Variants in TTF2 observed in about 807,000 individuals in gnomAD.
TTF2 encodes transcription termination factor 2.
TTF2 carries 108 observed loss-of-function variants against 142.4 expected under a neutral mutation model. The observed-to-expected ratio is 0.76, with a 90% confidence interval of 0.65 to 0.89. The LOEUF (loss-of-function observed/expected upper bound fraction) is 0.89, where lower values mean the gene tolerates loss of function less well. Ranked by LOEUF, TTF2 falls within the 40% of genes least tolerant of loss-of-function variation. TTF2 has a pLI of 0.00. For missense variants in TTF2, 1,327 were observed against 1,379.8 expected, an observed-to-expected ratio of 0.96 and a Z score of 0.61; for synonymous variants, 483 against 506.2, an observed-to-expected ratio of 0.95 and a Z score of 0.61.
rs1648697417 is a variant in TTF2 at position 117,092,699 on chromosome 1, C to T, written c.2806-32C>T. On this transcript the variant is annotated intron_variant, in intron 17 of 22. Coordinates refer to ENST00000369466, the MANE Select transcript of TTF2 (RefSeq NM_003594.4). The surrounding 1 kb of genome is among the most constrained non-coding windows in gnomAD (Gnocchi z 4.4). The stretch of plus-strand genomic sequence containing the variant: ...GTAACAAGGTTTGCTCCCTTGACTC[C>T]CAGCTGCTCCTGTCCTTTTTTGTCT... 6 of 1,595,212 alleles carry T rather than the reference C, an allele frequency of 3.8e-6. No homozygotes were observed. Among genetic ancestry groups the T allele is most frequent in the Non-Finnish European group, 5.1e-6 (6 of 1,170,180 alleles).
rs778269918 is a variant in TTF2, at chr1:117,105,390, C to T, written c.*3866C>T. On this transcript the variant is annotated 3_prime_UTR_variant, in exon 23 of 23. Transcript: ENST00000369466. This position sits in a 1 kb window ranked among gnomAD's most constrained non-coding sequence, Gnocchi z 4.7. ...GAGTATTGTGCATGCCGCAGCTAGA[C>T]AGAGTCCTGGGCCCTTTAAAAACCT... 1.3e-5 allele frequency: 2 copies of T among 152,246 alleles called. No homozygotes were observed. Among genetic ancestry groups the T allele is most frequent in the Non-Finnish European group, 2.9e-5 (2 of 68,074 alleles). The allele number at this position is 152,246 out of a possible 1,614,324, so 9.4% of individuals were successfully genotyped here.
rs1649105046 is a variant in TTF2, at chr1:117,096,002, A to G, written c.3036-147A>G. 6.6e-6 allele frequency: 5 copies of G among 751,932 alleles called. No homozygotes were observed. The Admixed American group carries it at 1.4e-4, about 21-fold the overall frequency. The allele number at this position is 751,932 out of a possible 1,614,324, so 46.6% of individuals were successfully genotyped here. ...ATTATAATCTTCAGATATGACCTAA[A>G]TGTGTGCCTTCTCCCTTAGGTAGCA... On this transcript the variant is annotated intron_variant, in intron 19 of 22. Transcript: ENST00000369466.
Position 117,062,416 on chromosome 1 carries a change from A to G in TTF2, c.161A>G (p.Glu54Gly), listed in dbSNP as rs1570782190. 2.5e-6 allele frequency: 4 copies of G among 1,613,540 alleles called. No homozygotes were observed. The African/African-American group carries it at 4.0e-5, about 16-fold the overall frequency. The change falls in exon 3 of 23, where the codon GAG becomes GGG. Residue 54 changes from glutamate to glycine, a missense_variant. Transcript: ENST00000369466. ...CCTGTTTCCCATTGCTTATTGCATG[A>G]GGACTTTGTGGTAGAGCTTCAGGGT... is the stretch of plus-strand genomic sequence containing the variant. ...DIPVSHCLLHEDFVVELQGLL... is the reference protein window; with the variant it reads ...DIPVSHCLLHGDFVVELQGLL...
chr1:117,075,863 A>G lies in TTF2; in HGVS notation c.1275+4A>G, dbSNP rs746160789. ...AACACAACTGAAACAAAAGAAGGTAACTATTGACTCGTGTTTTGTTTCTGA... is the reference window on the plus strand; with the variant it reads ...AACACAACTGAAACAAAAGAAGGTAGCTATTGACTCGTGTTTTGTTTCTGA... On this transcript the variant is annotated splice_donor_region_variant and intron_variant, in intron 5 of 22. Coordinates refer to ENST00000369466, the MANE Select transcript of TTF2 (RefSeq NM_003594.4). This position sits in a 1 kb window ranked among gnomAD's most constrained non-coding sequence, Gnocchi z 4.5. The G allele has an allele frequency of 4.5e-5, 72 of 1,595,692 alleles. 1 individual carries two copies. In the South Asian group the frequency reaches 7.9e-4, roughly 18 times the overall value.
At position 117,084,170 on chromosome 1, in the gene TTF2, T is replaced by TA; in HGVS notation, c.2054+4dup. ...AAACCGGGATTCACGTGCCAGAGTG[T>TA]AAGTGCAGGAATACGCAGTTGTGGG... On this transcript the variant is annotated splice_region_variant and intron_variant, in intron 11 of 22. Transcript: ENST00000369466. 1 of 1,614,184 alleles carries TA rather than the reference T, an allele frequency of 6.2e-7. No individual in the cohort carries two copies. The highest frequency in any genetic ancestry group is 8.5e-7 in the Non-Finnish European group (1 of 1,180,022).
At chr1:117,069,115 T>C (rs974770668) in intron 3 of TTF2, among the ~76,000 whole-genome samples, 3 of 152,238 alleles carry the variant, frequency 2.0e-5, no homozygotes, top group Non-Finnish European at 2.9e-5. Flanking sequence ...TGTTTTTTAC[T>C]TTTACATTTT....
At chr1:117,082,184 G>A in intron 10 of TTF2, 1 of 519,370 alleles carries the variant, frequency 1.9e-6, no homozygotes, top group Admixed American at 3.1e-5. Context: ...GGAGAAAGCT[G>A]AGGCTCTAGA....
chr1:117,068,719 C>G (rs1656352701), intron 3 of TTF2, among the ~76,000 whole-genome samples: 1 of 152,100 alleles, frequency 6.6e-6, no homozygotes. Context: ...GTATAGTGAG[C>G]AGGATGGTGA....
At position 117,100,462 on chromosome 1, in the gene TTF2, A is replaced by G. The variant is rs1480045983; in HGVS notation, c.3345-918A>G. Among the ~76,000 whole-genome samples the G allele has an allele frequency of 6.6e-6, 1 of 152,014 alleles. No homozygotes were observed. Among genetic ancestry groups the G allele is most frequent in the East Asian group, 1.9e-4 (1 of 5,194 alleles). ...TCTGATTGTGTCATCCACTTCTCAT[A>G]TTCTTCAGTAGCTCTCACCTCCTAT... On this transcript the variant is annotated intron_variant, in intron 22 of 22. Coordinates refer to ENST00000369466, the MANE Select transcript of TTF2 (RefSeq NM_003594.4). The surrounding 1 kb of genome is among the most constrained non-coding windows in gnomAD (Gnocchi z 4.6).
Position 117,076,321 on chromosome 1 carries a change from C to T in TTF2, c.1390+27C>T, listed in dbSNP as rs371028272. The T allele has an allele frequency of 4.9e-5, 77 of 1,576,562 alleles. No individual in the cohort carries two copies. The highest frequency in any genetic ancestry group is 8.1e-5 in the African/African-American group (6 of 73,892). On this transcript the variant is annotated intron_variant, in intron 6 of 22. Transcript: ENST00000369466. This position sits in a 1 kb window ranked among gnomAD's most constrained non-coding sequence, Gnocchi z 4.6. ...TAAAGTGGCTTATGCCTCAGAACTC[C>T]GGGTTTGCATCGACTTTACAAGAGA...
chr1:117,074,998 G>C lies in TTF2; in HGVS notation c.414G>C (p.Trp138Cys). 6.2e-7 allele frequency: 1 copy of C among 1,613,938 alleles called. No individual in the cohort carries two copies. Among genetic ancestry groups the C allele is most frequent in the Admixed American group, 1.7e-5 (1 of 59,978 alleles). The change falls in exon 5 of 23, where the codon TGG (tryptophan) becomes TGC (cysteine). Residue 138 changes from tryptophan to cysteine, a missense_variant. Trp to Cys is a radical substitution (Grantham distance 215). Coordinates refer to ENST00000369466, the MANE Select transcript of TTF2 (RefSeq NM_003594.4). ...ACAAGAATCAAGAACCAGCTCTCTG[G>C]AAACAGCTCATCAAAGGTGAAGGTG... ...VLDKNQEPAL[W>C]KQLIKGEGEE... is the part of the protein sequence containing the mutation.
At chr1:117,069,236 C>T (rs896236741) in intron 3 of TTF2, among the ~76,000 whole-genome samples, 2 of 152,208 alleles carry the variant, frequency 1.3e-5, no homozygotes, top group Non-Finnish European at 2.9e-5. Context: ...GAGCCTTTGA[C>T]ACAGCTGGAA....
rs1648118715 is a variant in TTF2 at position 117,087,476 on chromosome 1, AG to A, written c.2160+955del. ...TCGGCTAATTTTTTGTATTTTTAGT[AG>A]AGATGGGGTTTCGCCATGTTGGCCA... On this transcript the variant is annotated intron_variant, in intron 12 of 22. Coordinates refer to ENST00000369466, the MANE Select transcript of TTF2 (RefSeq NM_003594.4). This position sits in a 1 kb window ranked among gnomAD's most constrained non-coding sequence, Gnocchi z 4.8. Among the ~76,000 whole-genome samples, 1 of 152,140 alleles carries A rather than the reference AG, an allele frequency of 6.6e-6. No individual in the cohort carries two copies.
Position 117,093,806 on chromosome 1 carries a change from C to A in TTF2, c.2976+905C>A, listed in dbSNP as rs1230197184. Reference sequence around the variant, plus strand: ...TTTGTGTTCCTTGTTTAATTAAATGCAGGTAATATTTATTCACAAGTTTTC... The same window carrying A: ...TTTGTGTTCCTTGTTTAATTAAATGAAGGTAATATTTATTCACAAGTTTTC... On this transcript the variant is annotated intron_variant, in intron 18 of 22. Coordinates refer to ENST00000369466, the MANE Select transcript of TTF2 (RefSeq NM_003594.4). This position sits in a 1 kb window ranked among gnomAD's most constrained non-coding sequence, Gnocchi z 4.5. Among the ~76,000 whole-genome samples, 1 of 152,152 alleles carries A rather than the reference C, an allele frequency of 6.6e-6. No individual in the cohort carries two copies.
chr1:117,091,106 A>C (rs1648536646), intron 15 of TTF2, among the ~76,000 whole-genome samples: 1 of 151,972 alleles, frequency 6.6e-6, no homozygotes, highest in African/African-American at 2.4e-5. Context: ...ATGTAAATAT[A>C]TTTTTTCTTC....
At position 117,080,483 on chromosome 1, in the gene TTF2, A is replaced by T. The variant is rs922633549; in HGVS notation, c.1783+834A>T. 2.0e-5 allele frequency among the ~76,000 whole-genome samples: 3 copies of T among 152,224 alleles called. No individual in the cohort carries two copies. Among genetic ancestry groups the T allele is most frequent in the African/African-American group, 7.2e-5 (3 of 41,466 alleles). ...ACCTGAATTAAAGATGTTTATGAGT[A>T]CATCTGATATATAGAGCCAGGTCAT... On this transcript the variant is annotated intron_variant, in intron 9 of 22. Coordinates refer to ENST00000369466, the MANE Select transcript of TTF2 (RefSeq NM_003594.4). This position sits in a 1 kb window ranked among gnomAD's most constrained non-coding sequence, Gnocchi z 4.3.
At chr1:117,064,767 T>C (rs1277052935) in intron 3 of TTF2, among the ~76,000 whole-genome samples, 1 of 151,098 alleles carries the variant, frequency 6.6e-6, no homozygotes, top group African/African-American at 2.4e-5. Flanking sequence ...AATCTACACA[T>C]CTTGGCCTCC....
At position 117,075,971 on chromosome 1, in the gene TTF2, G is replaced by A. The variant is rs1656977043; in HGVS notation, c.1275+112G>A. On this transcript the variant is annotated intron_variant, in intron 5 of 22. Transcript: ENST00000369466. The surrounding 1 kb of genome is among the most constrained non-coding windows in gnomAD (Gnocchi z 4.5). ...AATATGTTCATGTGAAGGTTTTATAGGTGCATGTTCAGTTTCTGCCTTTTC... is the reference window on the plus strand; with the variant it reads ...AATATGTTCATGTGAAGGTTTTATAAGTGCATGTTCAGTTTCTGCCTTTTC... 2.8e-6 allele frequency: 4 copies of A among 1,439,196 alleles called. No individual in the cohort carries two copies. The African/African-American group carries it at 5.7e-5, about 20-fold the overall frequency. 89.2% of individuals were successfully genotyped at this position (1,439,196 alleles called of 1,614,324 possible).
rs1656733253 is a variant in TTF2, at chr1:117,073,191, C to G, written c.219-470C>G. On this transcript the variant is annotated intron_variant, in intron 3 of 22. Transcript: ENST00000369466. This position sits in a 1 kb window ranked among gnomAD's most constrained non-coding sequence, Gnocchi z 4.4. ...TCTCCACAGTATAGTTTTACGCCTT[C>G]TTCTGTTGTTTCTATTTCCTATAAA... 6.6e-6 allele frequency among the ~76,000 whole-genome samples: 1 copy of G among 152,160 alleles called. No individual in the cohort carries two copies. Among genetic ancestry groups the G allele is most frequent in the Non-Finnish European group, 1.5e-5 (1 of 68,026 alleles).
Sources: gnomAD v4.1 joint callset for allele counts (sites outside exome capture counted in the v4.1 genomes callset) on GRCh38, gnomAD v4.1.1 for gene constraint, Gnocchi (gnomAD v3.1) non-coding constraint, MANE v1.5 for transcripts, NCBI Gene and HGNC (gene_info 2026-07-23, HGNC 2026-07-21) for gene names.